The following KCNAB1 variants were observed in gnomAD, a reference collection of about 807,000 sequenced individuals.
KCNAB1 encodes potassium voltage-gated channel subfamily A regulatory beta subunit 1.
In KCNAB1, 35 loss-of-function variants were observed where a neutral mutation model predicts 64.6. The ratio of observed to expected loss-of-function variants is 0.54; its 90% CI spans 0.41 to 0.72. KCNAB1 has a LOEUF of 0.72. Among genes scored for constraint, KCNAB1 ranks in the 30% least tolerant of loss-of-function variants. The probability of loss-of-function intolerance (pLI) is 0.00; values close to 1 mark genes in which losing one functional copy is unlikely to be tolerated. For synonymous variants in KCNAB1, 177 were observed against 183.8 expected (o/e 0.96, Z 0.30); for missense variants, 401 against 512.9 (o/e 0.78, Z 2.11).
Position 156,377,928 on chromosome 3 carries a change from G to C in KCNAB1, c.276-43688G>C, listed in dbSNP as rs148371063. ...CAGACAGGAACGATTGGTTCCAATAGTGTCACATGCAGAGAGACACTGTCA... is the reference window on the plus strand; with the variant it reads ...CAGACAGGAACGATTGGTTCCAATACTGTCACATGCAGAGAGACACTGTCA... On this transcript the variant is annotated intron_variant, in intron 1 of 13. Coordinates refer to ENST00000490337, the MANE Select transcript of KCNAB1 (RefSeq NM_172160.3). Among the ~76,000 whole-genome samples, 505 of 152,224 alleles carry C rather than the reference G, an allele frequency of 3.3e-3. 2 individuals are homozygous for C. The highest frequency in any genetic ancestry group is 5.8e-3 in the Non-Finnish European group (397 of 68,004).
chr3:156,404,338 G>A (rs999622279), intron 1 of KCNAB1, among the ~76,000 whole-genome samples: 1 of 151,704 alleles, frequency 6.6e-6, no homozygotes, highest in Non-Finnish European at 1.5e-5. Context: ...TGCTTCAACC[G>A]AGTTCTTAAC....
intron 1 of KCNAB1, among the ~76,000 whole-genome samples, chr3:156,164,081 G>A (rs1006041797): frequency 1.1e-4 from 17 of 152,320 alleles, no homozygotes; most frequent in African/African-American, 3.8e-4. Context: ...GCGACAGGGA[G>A]TGGTGCCTTT....
chr3:156,276,232 A>C (rs1719340201), intron 1 of KCNAB1, among the ~76,000 whole-genome samples: 1 of 152,096 alleles, frequency 6.6e-6, no homozygotes, highest in Non-Finnish European at 1.5e-5. Flanking sequence ...TTTTCTAAGG[A>C]GTAAGTCTAA....
chr3:156,211,144 G>C (rs1360429524), intron 1 of KCNAB1, among the ~76,000 whole-genome samples: 1 of 152,184 alleles, frequency 6.6e-6, no homozygotes, highest in African/African-American at 2.4e-5. Context: ...CATCCATGCT[G>C]AGAGAATATT....
At chr3:156,213,950 G>A (rs948454571) in intron 1 of KCNAB1, among the ~76,000 whole-genome samples, 10 of 152,124 alleles carry the variant, frequency 6.6e-5, no homozygotes, top group African/African-American at 2.4e-4. Context: ...GGGGAGAGGG[G>A]CTGGAGATTG....
intron 1 of KCNAB1, among the ~76,000 whole-genome samples, chr3:156,155,393 A>C (rs1715657322): frequency 1.3e-5 from 2 of 152,174 alleles, no homozygotes; most frequent in Non-Finnish European, 2.9e-5. Flanking sequence ...TAAATAAATA[A>C]AATTTATAAT....
rs190575214 is a variant in KCNAB1 at position 156,453,538 on chromosome 3, A to G, written c.357+602A>G. Among the ~76,000 whole-genome samples, 221 of 152,366 alleles carry G rather than the reference A, an allele frequency of 1.5e-3. 1 individual carries two copies. The highest frequency in any genetic ancestry group is 4.1e-3 in the Admixed American group (63 of 15,304). On this transcript the variant is annotated intron_variant, in intron 3 of 13. Coordinates refer to ENST00000490337, the MANE Select transcript of KCNAB1 (RefSeq NM_172160.3). ...CTGACTAGTAGGTAGCAGACACTCAATAAATGGCAGCTATGGTAATTATAT... is the reference window on the plus strand; with the variant it reads ...CTGACTAGTAGGTAGCAGACACTCAGTAAATGGCAGCTATGGTAATTATAT...
At chr3:156,388,496 C>T (rs1035449041) in intron 1 of KCNAB1, among the ~76,000 whole-genome samples, 3 of 152,228 alleles carry the variant, frequency 2.0e-5, no homozygotes, top group Admixed American at 1.3e-4. Context: ...TTTCCCAACA[C>T]TCTGTGACCT....
chr3:156,189,313 A>G (rs533942522), intron 1 of KCNAB1, among the ~76,000 whole-genome samples: 11 of 152,304 alleles, frequency 7.2e-5, no homozygotes, highest in African/African-American at 2.6e-4. Flanking sequence ...CTGCCTGCCT[A>G]GTCCAGGGAG....
intron 1 of KCNAB1, among the ~76,000 whole-genome samples, chr3:156,144,815 C>T (rs542166710): frequency 5.2e-4 from 79 of 152,308 alleles, no homozygotes; most frequent in African/African-American, 1.9e-3. Context: ...TTACATAAAC[C>T]TTTAGAGGGT....
chr3:156,164,733 C>T (rs1455426085), intron 1 of KCNAB1, among the ~76,000 whole-genome samples: 1 of 152,138 alleles, frequency 6.6e-6, no homozygotes, highest in Non-Finnish European at 1.5e-5. Flanking sequence ...ATCTAGGGCT[C>T]AGGACTCTTT....
intron 1 of KCNAB1, among the ~76,000 whole-genome samples, chr3:156,235,654 G>A (rs188751914): frequency 3.5e-4 from 53 of 152,282 alleles, no homozygotes; most frequent in African/African-American, 1.2e-3. Flanking sequence ...AAATATTAGC[G>A]TAAATTCTTT....
intron 1 of KCNAB1, among the ~76,000 whole-genome samples, chr3:156,237,586 T>A (rs925099124): frequency 6.6e-6 from 1 of 152,138 alleles, no homozygotes; most frequent in African/African-American, 2.4e-5. Flanking sequence ...GGATTGGAAG[T>A]TTTTTGCATC....
chr3:156,515,146 G>C lies in KCNAB1; in HGVS notation c.791G>C (p.Cys264Ser), dbSNP rs371471693. The change falls in exon 10 of 14, where the codon TGT (cysteine) becomes TCT (serine). Residue 264 changes from cysteine (C) to serine (S), a missense_variant. Coordinates refer to ENST00000490337, the MANE Select transcript of KCNAB1 (RefSeq NM_172160.3). ...CAGTTCAATATGATCCCACCGGTCTGTGAACAAGCTGAGTACCATCTTTTC... is the reference window on the plus strand; with the variant it reads ...CAGTTCAATATGATCCCACCGGTCTCTGAACAAGCTGAGTACCATCTTTTC... The part of the protein sequence containing the change: ...ARQFNMIPPV[C>S]EQAEYHLFQR... The C allele has an allele frequency of 2.5e-6, 4 of 1,613,434 alleles. No individual in the cohort carries two copies. In the African/African-American group the frequency reaches 4.0e-5, roughly 16 times the overall value.
chr3:156,285,281 C>T (rs1317208926), intron 1 of KCNAB1, among the ~76,000 whole-genome samples: 1 of 152,028 alleles, frequency 6.6e-6, no homozygotes, highest in African/African-American at 2.4e-5. Flanking sequence ...ATCTCTTATC[C>T]AAAGACATGG....
At chr3:156,399,718 C>T (rs1713745717) in intron 1 of KCNAB1, among the ~76,000 whole-genome samples, 1 of 152,158 alleles carries the variant, frequency 6.6e-6, no homozygotes, top group Non-Finnish European at 1.5e-5. Flanking sequence ...TCTTGATGAA[C>T]TGAATCTGCT....
At chr3:156,393,307 ACCC>A (rs746540030) in intron 1 of KCNAB1, among the ~76,000 whole-genome samples, 11 of 151,904 alleles carry the variant, frequency 7.2e-5, no homozygotes, top group Admixed American at 2.6e-4. Context: ...TGGAGTTTTT[ACCC>A]CTTACGTATG....
intron 1 of KCNAB1, among the ~76,000 whole-genome samples, chr3:156,178,486 C>G (rs1712546217): frequency 6.6e-6 from 1 of 152,194 alleles, no homozygotes. Flanking sequence ...TCTTTCCACT[C>G]TGCTCCATTG....
At chr3:156,119,149 GTTAA>G (rs1713211286), upstream of KCNAB1, among the ~76,000 whole-genome samples, 2 of 152,202 alleles carry the variant, frequency 1.3e-5, no homozygotes, top group Non-Finnish European at 2.9e-5. Context: ...ATTGATATTG[GTTAA>G]TTAACAGCCA....
Sources: allele counts gnomAD v4.1 joint callset (sites outside exome capture counted in the v4.1 genomes callset), GRCh38; gene constraint gnomAD v4.1.1; transcripts MANE v1.5; gene names NCBI Gene and HGNC (gene_info 2026-07-23, HGNC 2026-07-21).